Variants in OSTN observed in about 807,000 individuals in gnomAD.
OSTN encodes osteocrin.
A neutral mutation model predicts 12.0 loss-of-function variants in OSTN; 9 were observed. That is an observed-to-expected ratio of 0.75 (90% CI 0.45 to 1.30). The LOEUF (loss-of-function observed/expected upper bound fraction) is 1.30, where lower values mean the gene tolerates loss of function less well. OSTN is among the 50% of genes most tolerant of loss of function. OSTN has a pLI of 0.00. For missense variants in OSTN, 148 were observed against 152.3 expected (o/e 0.97, Z 0.15); for synonymous variants, 59 against 56.9 (o/e 1.04, Z -0.16).
intron 3 of OSTN, among the ~76,000 whole-genome samples, chr3:191,219,478 T>G (rs987030742): frequency 6.6e-6 from 1 of 152,210 alleles, no homozygotes; most frequent in South Asian, 2.1e-4. Flanking sequence ...TCCTCTCTGA[T>G]CCTCAGCTTA....
chr3:191,237,944 A>G (rs1560121157), intron 3 of OSTN, among the ~76,000 whole-genome samples: 1 of 152,218 alleles, frequency 6.6e-6, no homozygotes, highest in Non-Finnish European at 1.5e-5. Context: ...TAGCAATGCC[A>G]GATTCAATTT....
intron 3 of OSTN, among the ~76,000 whole-genome samples, chr3:191,236,397 A>G (rs2124076): frequency 0.63 from 95,793 of 151,996 alleles, 30,844 homozygotes; most frequent in Middle Eastern, 0.73. Context: ...GAAAGAATTT[A>G]AGGCAAGTCC....
chr3:191,212,729 T>TC, intron 2 of OSTN, 95 bp downstream of exon 2: 2 of 257,430 alleles, frequency 7.8e-6, no homozygotes, highest in Non-Finnish European at 1.4e-5. Flanking sequence ...TAAAATATAT[T>TC]TCATATACGT....
At chr3:191,203,775 G>GA (rs1269590857) in intron 1 of OSTN, among the ~76,000 whole-genome samples, 2 of 152,212 alleles carry the variant, frequency 1.3e-5, no homozygotes, top group Non-Finnish European at 2.9e-5. Flanking sequence ...GTCTGAAAAT[G>GA]AAAGTTGTTG....
chr3:191,261,025 G>C (rs1715796629), intron 4 of OSTN, among the ~76,000 whole-genome samples: 1 of 152,100 alleles, frequency 6.6e-6, no homozygotes, highest in African/African-American at 2.4e-5. Context: ...ATTACAGAGA[G>C]AGAGAGATAG....
intron 1 of OSTN, among the ~76,000 whole-genome samples, chr3:191,202,627 G>A (rs1287133118): frequency 6.6e-6 from 1 of 152,218 alleles, no homozygotes. Flanking sequence ...GGAGTAAACA[G>A]TGAAGGGGGT....
chr3:191,238,890 C>T (rs1715260274), intron 3 of OSTN, among the ~76,000 whole-genome samples: 1 of 152,174 alleles, frequency 6.6e-6, no homozygotes, highest in Non-Finnish European at 1.5e-5. Flanking sequence ...TACCTGATTC[C>T]ATATATAGGC....
Position 191,263,615 on chromosome 3 carries a change from T to C in OSTN, c.*762T>C, listed in dbSNP as rs9852327. The C allele has an allele frequency of 0.46, 70,341 of 151,844 alleles. 17,252 individuals are homozygous for C. The highest frequency in any genetic ancestry group is 0.54 in the Non-Finnish European group (36,859 of 67,872). The allele number at this position is 151,844 out of a possible 1,614,324, so 9.4% of individuals were successfully genotyped here. On this transcript the variant is annotated 3_prime_UTR_variant, in exon 5 of 5. Coordinates refer to ENST00000682035, the MANE Select transcript of OSTN (RefSeq NM_198184.2). Reference sequence around the variant, plus strand: ...GTCAAAGAATTACCACCAGAACAGGTTAGGACCAGCTAAGCACACATCATT... The same window carrying C: ...GTCAAAGAATTACCACCAGAACAGGCTAGGACCAGCTAAGCACACATCATT...
At position 191,218,253 on chromosome 3, in the gene OSTN, T is replaced by C. The variant is rs531653427; in HGVS notation, c.103-494T>C. Among the ~76,000 whole-genome samples the C allele has an allele frequency of 1.9e-3, 292 of 152,326 alleles. 1 individual carries two copies. Among genetic ancestry groups the C allele is most frequent in the African/African-American group, 6.5e-3 (272 of 41,578 alleles). On this transcript the variant is annotated intron_variant, in intron 2 of 4. Coordinates refer to ENST00000682035, the MANE Select transcript of OSTN (RefSeq NM_198184.2). The stretch of plus-strand genomic sequence containing the variant: ...TTCTTTTCTTTTCTTGTTTTATTTT[T>C]TCCCTTCGTTATACCCCTCTACTAT...
At chr3:191,227,079 A>T (rs1239329944) in intron 3 of OSTN, among the ~76,000 whole-genome samples, 1 of 152,154 alleles carries the variant, frequency 6.6e-6, no homozygotes, top group Non-Finnish European at 1.5e-5. Context: ...CAAAGAATAA[A>T]CTGGAAAAAA....
intron 2 of OSTN, among the ~76,000 whole-genome samples, chr3:191,214,436 CAAAAAAAAAAAA>C (rs71298518): frequency 1.0e-4 from 2 of 19,346 alleles, no homozygotes; most frequent in Non-Finnish European, 2.5e-4. Context: ...GACTCCATCT[CAAAAAAAAAAAA>C]AAAAAAAAAA....
chr3:191,201,313 C>T (rs1453455631), intron 1 of OSTN, among the ~76,000 whole-genome samples: 1 of 152,074 alleles, frequency 6.6e-6, no homozygotes, highest in Non-Finnish European at 1.5e-5. Flanking sequence ...TCTTCTTTCC[C>T]CTCCTTTGAG....
intron 3 of OSTN, among the ~76,000 whole-genome samples, chr3:191,219,896 C>G (rs142677876): frequency 1.3e-5 from 2 of 152,186 alleles, no homozygotes; most frequent in Admixed American, 6.5e-5. Context: ...TATTCTTTCT[C>G]CACTCTTTCC....
At chr3:191,230,490 G>A (rs1395434216) in intron 3 of OSTN, among the ~76,000 whole-genome samples, 4 of 151,258 alleles carry the variant, frequency 2.6e-5, no homozygotes, top group African/African-American at 9.8e-5. Context: ...CTTGAACGTG[G>A]GAGGTGGAGG....
intron 3 of OSTN, among the ~76,000 whole-genome samples, chr3:191,235,629 C>T (rs1002114629): frequency 6.6e-5 from 10 of 152,166 alleles, no homozygotes; most frequent in South Asian, 4.1e-4. Context: ...CCTCTTCTGG[C>T]AGATCTGCTA....
chr3:191,207,708 A>G (rs2108588874), intron 1 of OSTN, among the ~76,000 whole-genome samples: 1 of 152,294 alleles, frequency 6.6e-6, no homozygotes, highest in Admixed American at 6.5e-5. Context: ...AATATAATTA[A>G]GCCAGTTTTT....
intron 1 of OSTN, 37 bp downstream of exon 1, chr3:191,199,344 T>G (rs1173232190): frequency 6.6e-6 from 1 of 152,148 alleles, no homozygotes; most frequent in African/African-American, 2.4e-5. Flanking sequence ...GATTTAATGC[T>G]TCTTTTAACT....
chr3:191,207,414 C>G (rs1714306385), intron 1 of OSTN, among the ~76,000 whole-genome samples: 1 of 151,710 alleles, frequency 6.6e-6, no homozygotes, highest in Admixed American at 6.6e-5. Context: ...CAACACCAGA[C>G]TTCACATGCA....
At chr3:191,244,799 T>A (rs1231343881) in intron 3 of OSTN, among the ~76,000 whole-genome samples, 2 of 150,624 alleles carry the variant, frequency 1.3e-5, no homozygotes, top group African/African-American at 4.9e-5. Flanking sequence ...TGAATTGATT[T>A]TTATATATAT....
Sources: gnomAD v4.1 joint callset for allele counts (sites outside exome capture counted in the v4.1 genomes callset) on GRCh38, gnomAD v4.1.1 for gene constraint, MANE v1.5 for transcripts, NCBI Gene and HGNC (gene_info 2026-07-23, HGNC 2026-07-21) for gene names.